CSMD1: variants seen among roughly 807,000 people sequenced by gnomAD.
The protein encoded by CSMD1 is CUB and Sushi multiple domains 1.
Under a neutral mutation model 417.5 loss-of-function variants are expected in CSMD1, and 213 were observed. The observed-to-expected ratio is 0.51, with a 90% CI of 0.46 to 0.57. The LOEUF (loss-of-function observed/expected upper bound fraction) is 0.57, where lower values mean the gene tolerates loss of function less well. CSMD1 is among the 20% of genes least tolerant of loss of function. CSMD1 has a pLI of 0.00. For synonymous variants in CSMD1, 2,862 were observed against 1,736.8 expected, an observed-to-expected ratio of 1.65 and a Z score of -16.11; for missense variants, 6,923 against 4,529.7, an observed-to-expected ratio of 1.53 and a Z score of -15.17.
chr8:4,668,334 G>T (rs1418254048), intron 1 of CSMD1, among the ~76,000 whole-genome samples: 1 of 151,572 alleles, frequency 6.6e-6, no homozygotes, highest in South Asian at 2.1e-4. Context: ...CACTGTCATT[G>T]GTAGGGGTTC....
chr8:3,764,085 T>C (rs905635426), intron 5 of CSMD1, among the ~76,000 whole-genome samples: 3 of 152,150 alleles, frequency 2.0e-5, no homozygotes, highest in African/African-American at 7.2e-5. Context: ...TGTATATTTC[T>C]GGTTGCACTC....
At chr8:3,586,752 A>C (rs1800619044) in intron 8 of CSMD1, among the ~76,000 whole-genome samples, 1 of 152,170 alleles carries the variant, frequency 6.6e-6, no homozygotes. Flanking sequence ...AGCTAGTGAT[A>C]TTTCAGAAAT....
At chr8:3,648,463 G>A (rs1797686460) in intron 7 of CSMD1, among the ~76,000 whole-genome samples, 1 of 152,080 alleles carries the variant, frequency 6.6e-6, no homozygotes, top group African/African-American at 2.4e-5. Context: ...ACATTTTCAG[G>A]GACAAGATGG....
At chr8:4,058,050 G>T (rs1470845630) in intron 3 of CSMD1, among the ~76,000 whole-genome samples, 1 of 152,014 alleles carries the variant, frequency 6.6e-6, no homozygotes, top group East Asian at 1.9e-4. Context: ...TTTTAAAGTA[G>T]TTTTTTCCAA....
At chr8:4,863,947 A>G (rs1390953055) in intron 1 of CSMD1, among the ~76,000 whole-genome samples, 7 of 78,284 alleles carry the variant, frequency 8.9e-5, no homozygotes, top group Non-Finnish European at 2.1e-4. Flanking sequence ...AAATCCTAAA[A>G]TAAATGTCAA....
rs928932150 is a variant in CSMD1, at chr8:3,853,665, T to C, written c.819-99623A>G. On this transcript the variant is annotated intron_variant, in intron 5 of 69. Transcript: ENST00000635120. ...TGCTCCTCCGAAGGACCATCTTCCCTAGTGTAGAAGGTGGCAGTGTGCAGT... is the reference window on the plus strand; with the variant it reads ...TGCTCCTCCGAAGGACCATCTTCCCCAGTGTAGAAGGTGGCAGTGTGCAGT... Among the ~76,000 whole-genome samples, 7 of 152,074 alleles carry C rather than the reference T, an allele frequency of 4.6e-5. No homozygotes were observed. In the East Asian group the frequency reaches 1.2e-3, roughly 25 times the overall value.
chr8:4,329,173 T>G lies in CSMD1; in HGVS notation c.415+90780A>C, dbSNP rs1018184902. On this transcript the variant is annotated intron_variant, in intron 3 of 69. Transcript: ENST00000635120. ...GAATGCACGGTTCTCATCAAGCCCA[T>G]AATGGAGAATAACAAGTATAGAGAT... Among the ~76,000 whole-genome samples, 3 of 152,178 alleles carry G rather than the reference T, an allele frequency of 2.0e-5. No homozygotes were observed. In the South Asian group the frequency reaches 6.2e-4, roughly 32 times the overall value.
At position 3,202,002 on chromosome 8, in the gene CSMD1, A is replaced by G. The variant is rs752014862; in HGVS notation, c.4985-277T>C. On this transcript the variant is annotated intron_variant, in intron 31 of 69. Transcript: ENST00000635120. ...GAGGAATGTTTTTGTTTTAATAAAC[A>G]CAACATTAAGAATATATGGGCTGGA... 3.9e-5 allele frequency among the ~76,000 whole-genome samples: 6 copies of G among 152,136 alleles called. No individual in the cohort carries two copies. The East Asian group carries it at 1.2e-3, about 29-fold the overall frequency.
At chr8:4,356,917 T>C (rs576976444) in intron 3 of CSMD1, among the ~76,000 whole-genome samples, 2 of 152,338 alleles carry the variant, frequency 1.3e-5, no homozygotes, top group East Asian at 3.9e-4. Context: ...TGAATAAACA[T>C]ATTACTTTTT....
At chr8:3,145,194 C>T (rs555930101) in intron 40 of CSMD1, among the ~76,000 whole-genome samples, 1 of 152,106 alleles carries the variant, frequency 6.6e-6, no homozygotes, top group East Asian at 1.9e-4. Flanking sequence ...GAAGCTGACC[C>T]GAGAGTAACA....
intron 3 of CSMD1, among the ~76,000 whole-genome samples, chr8:4,155,923 T>G (rs1274114713): frequency 6.6e-6 from 1 of 152,172 alleles, no homozygotes; most frequent in Non-Finnish European, 1.5e-5. Context: ...TTTTGAGGAA[T>G]GCACAGCCCA....
chr8:3,741,403 G>A (rs1013711466), intron 6 of CSMD1, among the ~76,000 whole-genome samples: 1 of 152,048 alleles, frequency 6.6e-6, no homozygotes, highest in Non-Finnish European at 1.5e-5. Context: ...ATAGGGCCAG[G>A]TTATCCCATC....
At chr8:4,894,507 C>G (rs9314549) in intron 1 of CSMD1, among the ~76,000 whole-genome samples, 5 of 149,888 alleles carry the variant, frequency 3.3e-5, no homozygotes, top group Non-Finnish European at 7.4e-5. Flanking sequence ...GAGCCGAGAT[C>G]GCACCATCGC....
At chr8:3,022,476 C>T (rs1294653301) in intron 51 of CSMD1, among the ~76,000 whole-genome samples, 1 of 152,224 alleles carries the variant, frequency 6.6e-6, no homozygotes, top group Non-Finnish European at 1.5e-5. Context: ...TCTGTTCCCA[C>T]AGGAAAGTCT....
intron 3 of CSMD1, among the ~76,000 whole-genome samples, chr8:4,241,914 A>C (rs1197912035): frequency 1.3e-5 from 2 of 152,174 alleles, no homozygotes; most frequent in Non-Finnish European, 2.9e-5. Flanking sequence ...AACATCGTGA[A>C]GCTATTTTAT....
At chr8:3,180,090 A>G (rs895531379) in intron 37 of CSMD1, among the ~76,000 whole-genome samples, 1 of 152,316 alleles carries the variant, frequency 6.6e-6, no homozygotes, top group African/African-American at 2.4e-5. Context: ...CTGCTTATTA[A>G]AGGAGATGAA....
At chr8:3,388,974 C>CCAG (rs773931997) in intron 17 of CSMD1, among the ~76,000 whole-genome samples, 13 of 151,880 alleles carry the variant, frequency 8.6e-5, no homozygotes, top group Non-Finnish European at 1.5e-4. Flanking sequence ...ATGACTTCTT[C>CCAG]CAGGACACTC....
chr8:4,881,347 G>C (rs1803384008), intron 1 of CSMD1, among the ~76,000 whole-genome samples: 1 of 151,774 alleles, frequency 6.6e-6, no homozygotes, highest in Admixed American at 6.6e-5. Flanking sequence ...ATATACTATG[G>C]TTACACAGTA....
chr8:4,330,218 G>C (rs934288753), intron 3 of CSMD1, among the ~76,000 whole-genome samples: 5 of 151,952 alleles, frequency 3.3e-5, no homozygotes, highest in Non-Finnish European at 7.4e-5. Context: ...ACACCCGTCA[G>C]ATCCACCTGT....
Sources: allele counts gnomAD v4.1 joint callset (sites outside exome capture counted in the v4.1 genomes callset), GRCh38; gene constraint gnomAD v4.1.1; transcripts MANE v1.5; gene names NCBI Gene and HGNC (gene_info 2026-07-23, HGNC 2026-07-21).